Variants in VPS36 observed in about 807,000 individuals in gnomAD.
The protein encoded by VPS36 is vacuolar protein sorting 36 homolog, also known as vacuolar protein-sorting-associated protein 36.
VPS36 carries 31 observed loss-of-function variants against 63.5 expected under a neutral mutation model. The ratio of observed to expected loss-of-function variants is 0.49; its 90% CI spans 0.37 to 0.66. The LOEUF (loss-of-function observed/expected upper bound fraction) is 0.66, where lower values mean the gene tolerates loss of function less well. Among genes scored for constraint, VPS36 ranks in the 30% least tolerant of loss-of-function variants. The pLI, the probability that VPS36 is intolerant of heterozygous loss-of-function variation, is 0.00. For synonymous variants in VPS36, 138 were observed against 157.2 expected (o/e 0.88, Z 0.91); for missense variants, 338 against 463.7 (o/e 0.73, Z 2.49).
chr13:52,450,307 C>CCCACG, intron 1 of VPS36, 192 bp downstream of exon 1: 1 of 1,170,770 alleles, frequency 8.5e-7, no homozygotes, highest in Non-Finnish European at 1.1e-6. Flanking sequence ...AGCCGAGCGC[C>CCCACG]CCACGCCACG....
chr13:52,434,602 C>T (rs1210881000), intron 5 of VPS36, among the ~76,000 whole-genome samples, 191 bp downstream of exon 5: 1 of 152,142 alleles, frequency 6.6e-6, no homozygotes, highest in African/African-American at 2.4e-5. Context: ...CATGATCCAC[C>T]CCGCCTTGGC....
intron 6 of VPS36, 147 bp from the exon 7 acceptor site, chr13:52,427,366 G>C (rs1205619048): frequency 1.4e-6 from 1 of 725,328 alleles, no homozygotes; most frequent in African/African-American, 1.8e-5. Flanking sequence ...AGCACTCTGG[G>C]AGGCCGAGGC....
intron 8 of VPS36, among the ~76,000 whole-genome samples, chr13:52,426,715 C>A (rs142902630): frequency 0.01 from 1,589 of 152,112 alleles, 26 homozygotes; most frequent in African/African-American, 0.036. Context: ...ATTAGCCGGG[C>A]GTGGTGGCAC....
At chr13:52,436,252 C>CACA in intron 4 of VPS36, 38 bp downstream of exon 4, 1 of 1,419,664 alleles carries the variant, frequency 7.0e-7, no homozygotes. Context: ...CACACACACA[C>CACA]ACCTTTCTAG....
intron 1 of VPS36, among the ~76,000 whole-genome samples, chr13:52,443,319 G>T (rs1958299741): frequency 6.6e-6 from 1 of 152,162 alleles, no homozygotes; most frequent in African/African-American, 2.4e-5. Context: ...AAATTCATAT[G>T]TTGAAGCCCT....
intron 8 of VPS36, among the ~76,000 whole-genome samples, chr13:52,426,691 T>C (rs1399075226): frequency 3.3e-5 from 5 of 151,900 alleles, no homozygotes; most frequent in African/African-American, 1.2e-4. Context: ...CGGTCTCTAC[T>C]AAAAATACAA....
intron 6 of VPS36, among the ~76,000 whole-genome samples, 169 bp from the exon 7 acceptor site, chr13:52,427,388 G>A (rs1310999069): frequency 6.6e-6 from 1 of 152,136 alleles, no homozygotes; most frequent in African/African-American, 2.4e-5. Context: ...GGCAGATCAC[G>A]AGGTCAGGAG....
rs763638585 is a variant in VPS36 at position 52,417,082 on chromosome 13, T to C, written c.965A>G (p.Glu322Gly). ...TGTCTCCAGGGCCGAGGCCACCATT[T>C]CCTCTTCCTTGTGAGACTGAAGCTC... is the stretch of plus-strand genomic sequence containing the variant. Reference protein sequence around the residue: ...VIELQSHKEEEMVASALETVS... With the variant: ...VIELQSHKEEGMVASALETVS... The change falls in exon 12 of 14, where the codon GAA becomes GGA. Residue 322 changes from glutamate to glycine, a missense_variant. By Grantham distance (98) the Glu-to-Gly change is moderately conservative. Coordinates refer to ENST00000378060, the MANE Select transcript of VPS36 (RefSeq NM_016075.4). 6.2e-7 allele frequency: 1 copy of C among 1,613,930 alleles called. No homozygotes were observed. The highest frequency in any genetic ancestry group is 8.5e-7 in the Non-Finnish European group (1 of 1,179,986).
Position 52,414,595 on chromosome 13 carries a change from A to G in VPS36, c.*1235T>C, listed in dbSNP as rs1030166208. ...TGGCCCTCCACCTTACCCACTGACA[A>G]TGTCTTAGGGGTCCCAGAGTGTGAA... On this transcript the variant is annotated 3_prime_UTR_variant, in exon 14 of 14. Coordinates refer to ENST00000378060, the MANE Select transcript of VPS36 (RefSeq NM_016075.4). 1 of 152,106 alleles carries G rather than the reference A, an allele frequency of 6.6e-6. No individual in the cohort carries two copies. The highest frequency in any genetic ancestry group is 2.4e-5 in the African/African-American group (1 of 41,424). The allele number at this position is 152,106 out of a possible 1,614,324, so 9.4% of individuals were successfully genotyped here. A position where few individuals can be genotyped will look rare whatever the true frequency, so the allele number is the denominator to read the frequency against.
At chr13:52,425,100 T>C (rs965578026) in intron 9 of VPS36, among the ~76,000 whole-genome samples, 2 of 150,612 alleles carry the variant, frequency 1.3e-5, no homozygotes, top group African/African-American at 4.9e-5. Flanking sequence ...TACAAAAAAT[T>C]AGCCGGGCGC....
At position 52,412,702 on chromosome 13, in the gene VPS36, C is replaced by G. The variant is rs1335141003; in HGVS notation, c.*3128G>C. ...ATAAATAGGAATATAGGTAGGAGTT[C>G]ATTCATTCAGTAAATATTTATTGAA... On this transcript the variant is annotated 3_prime_UTR_variant, in exon 14 of 14. Transcript: ENST00000378060. 6.6e-6 allele frequency: 1 copy of G among 152,182 alleles called. No individual in the cohort carries two copies. Among genetic ancestry groups the G allele is most frequent in the Non-Finnish European group, 1.5e-5 (1 of 68,026 alleles). 9.4% of individuals were successfully genotyped at this position (152,182 alleles called of 1,614,324 possible).
intron 10 of VPS36, among the ~76,000 whole-genome samples, chr13:52,420,105 G>A (rs2137773561): frequency 6.6e-6 from 1 of 151,808 alleles, no homozygotes; most frequent in South Asian, 2.1e-4. Context: ...GCCAGGCGTG[G>A]TAGCCGTCGC....
At chr13:52,446,024 G>T (rs994799911) in intron 1 of VPS36, among the ~76,000 whole-genome samples, 8 of 150,000 alleles carry the variant, frequency 5.3e-5, no homozygotes, top group African/African-American at 2.0e-4. Context: ...GCCGAGGCAG[G>T]CAGATCAAGA....
chr13:52,428,029 CAAGTAAGATAATCAGTTT>C (rs940510992), intron 6 of VPS36, among the ~76,000 whole-genome samples: 1 of 152,022 alleles, frequency 6.6e-6, no homozygotes. Context: ...GTAAGTTTAG[CAAGTAAGATAATCAGTTT>C]AAGTAAGATA....
At chr13:52,432,757 A>G (rs1269547098) in intron 6 of VPS36, among the ~76,000 whole-genome samples, 2 of 152,250 alleles carry the variant, frequency 1.3e-5, no homozygotes, top group East Asian at 3.9e-4. Context: ...TGAGGAAAAT[A>G]TACAACTTCA....
chr13:52,435,792 CT>C (rs1594120492), intron 4 of VPS36: 1 of 152,368 alleles, frequency 6.6e-6, no homozygotes, highest in East Asian at 1.9e-4. Context: ...TAAATACGCA[CT>C]TCTAATTATC....
chr13:52,446,371 T>G lies in VPS36; in HGVS notation c.97-3926A>C, dbSNP rs999129423. Among the ~76,000 whole-genome samples, 3 of 152,194 alleles carry G rather than the reference T, an allele frequency of 2.0e-5. No homozygotes were observed. The South Asian group carries it at 6.2e-4, about 31-fold the overall frequency. On this transcript the variant is annotated intron_variant, in intron 1 of 13. Transcript: ENST00000378060. ...AAATCCAAGCACATACATGTTAATT[T>G]AAGGCTGGAGCCAGCCTATGTTCCA...
chr13:52,442,631 C>T (rs914527204), intron 1 of VPS36, among the ~76,000 whole-genome samples, 186 bp from the exon 2 acceptor site: 10 of 152,048 alleles, frequency 6.6e-5, no homozygotes, highest in African/African-American at 2.4e-4. Context: ...ATAGTCTTGA[C>T]AGAATTAGAA....
rs1958327817 is a variant in VPS36 at position 52,445,445 on chromosome 13, C to T, written c.97-3000G>A. ...ACGAGGTCAGGAGATCGAGACCATC[C>T]TGACTAACACGGTGAAACCCCGTCT... is the stretch of plus-strand genomic sequence containing the variant. On this transcript the variant is annotated intron_variant, in intron 1 of 13. Transcript: ENST00000378060. Among the ~76,000 whole-genome samples the T allele has an allele frequency of 4.0e-5, 6 of 150,950 alleles. 1 individual carries two copies. The South Asian group carries it at 1.3e-3, about 32-fold the overall frequency.
Sources: gnomAD v4.1 joint callset for allele counts (sites outside exome capture counted in the v4.1 genomes callset) on GRCh38, gnomAD v4.1.1 for gene constraint, MANE v1.5 for transcripts, NCBI Gene and HGNC (gene_info 2026-07-23, HGNC 2026-07-21) for gene names.